Variants in KY observed in about 807,000 individuals in gnomAD.
The protein encoded by KY is kyphoscoliosis peptidase.
A neutral mutation model predicts 76.1 loss-of-function variants in KY; 43 were observed. That is an observed-to-expected ratio of 0.57 (90% CI 0.44 to 0.73). The LOEUF is 0.73. Among genes scored for constraint, KY ranks in the 30% least tolerant of loss-of-function variants. KY has a pLI of 0.00. For synonymous variants in KY, 277 were observed against 326.2 expected, an observed-to-expected ratio of 0.85 and a Z score of 1.63; for missense variants, 722 against 828.9, an observed-to-expected ratio of 0.87 and a Z score of 1.58.
At position 134,600,752 on chromosome 3, in the gene KY, T is replaced by G. The variant is rs943162890; in HGVS notation, c.*2827A>C. On this transcript the variant is annotated 3_prime_UTR_variant, in exon 11 of 11. Coordinates refer to ENST00000423778, the MANE Select transcript of KY (RefSeq NM_178554.6). ...CATCCAGTCCTATGTCAAGTGCTTC[T>G]GTTTCAAGAAGTTATTTCCAGGCAA... 7.2e-5 allele frequency: 11 copies of G among 152,288 alleles called. No individual in the cohort carries two copies. Among genetic ancestry groups the G allele is most frequent in the South Asian group, 2.1e-4 (1 of 4,838 alleles). 9.4% of individuals were successfully genotyped at this position (152,288 alleles called of 1,614,324 possible). A position where few individuals can be genotyped will look rare whatever the true frequency, so the allele number is the denominator to read the frequency against.
At chr3:134,607,708 C>G (rs769624265) in intron 10 of KY, 9 of 985,808 alleles carry the variant, frequency 9.1e-6, no homozygotes, top group Non-Finnish European at 1.1e-5. Flanking sequence ...TCAGAGTGTG[C>G]AAACATACTC....
At chr3:134,609,296 T>A (rs774300043) in intron 9 of KY, among the ~76,000 whole-genome samples, 2 of 152,190 alleles carry the variant, frequency 1.3e-5, no homozygotes, top group Non-Finnish European at 2.9e-5. Context: ...ACTGGAGTGC[T>A]GCCTCTCTGG....
intron 3 of KY, among the ~76,000 whole-genome samples, chr3:134,632,069 C>CA (rs1964309842): frequency 6.6e-6 from 1 of 152,020 alleles, no homozygotes; most frequent in Non-Finnish European, 1.5e-5. Flanking sequence ...GAAGACATAA[C>CA]AACCTTCAAT....
chr3:134,612,448 G>T (rs1467150461), intron 8 of KY, among the ~76,000 whole-genome samples: 1 of 152,142 alleles, frequency 6.6e-6, no homozygotes, highest in Non-Finnish European at 1.5e-5. Context: ...AAGGTGGTGG[G>T]GAGTGCTGAG....
intron 6 of KY, among the ~76,000 whole-genome samples, chr3:134,622,685 T>C (rs1396032855): frequency 6.6e-6 from 1 of 152,202 alleles, no homozygotes; most frequent in Non-Finnish European, 1.5e-5. Context: ...AAATTTTATG[T>C]TATTTTATGA....
intron 10 of KY, chr3:134,607,281 G>C: frequency 1.0e-6 from 1 of 985,532 alleles, no homozygotes; most frequent in Non-Finnish European, 1.2e-6. Flanking sequence ...GAGTTTGCAA[G>C]AGCTCAGCAA....
intron 7 of KY, among the ~76,000 whole-genome samples, chr3:134,619,558 C>T (rs1217351871): frequency 2.0e-5 from 3 of 152,206 alleles, no homozygotes; most frequent in African/African-American, 7.2e-5. Context: ...CTCTGCTAAT[C>T]CCCACCACAC....
chr3:134,629,423 T>C, intron 4 of KY, 198 bp downstream of exon 4: 1 of 558,620 alleles, frequency 1.8e-6, no homozygotes, highest in Non-Finnish European at 3.2e-6. Context: ...GTTCCAGAGA[T>C]GCAAAATCAG....
intron 10 of KY, 59 bp from the exon 11 acceptor site, chr3:134,604,533 A>G: frequency 7.0e-7 from 1 of 1,424,682 alleles, no homozygotes; most frequent in Non-Finnish European, 9.6e-7. Context: ...ATGTGCTGGT[A>G]AATGTTTAAC....
intron 10 of KY, among the ~76,000 whole-genome samples, chr3:134,606,694 G>A (rs4074521): frequency 0.35 from 53,562 of 152,062 alleles, 9,842 homozygotes; most frequent in African/African-American, 0.42. Flanking sequence ...GTGCCTGGTT[G>A]TGGTGCCTCA....
rs1390609308 is a variant in KY, at chr3:134,604,442, A to G, written c.1123T>C (p.Cys375Arg). The change falls in exon 11 of 11, where the codon TGC becomes CGC. Residue 375 changes from cysteine to arginine, a missense_variant. This residue lies in a region of KY where 552 missense variants were observed against 680.9 expected (regional missense o/e 0.81). Transcript: ENST00000423778. The stretch of plus-strand genomic sequence containing the variant: ...ATGAACATGAACAGCGTCGGGGCGC[A>G]GCTCTCAATGGTGACCGTGGCCTTC... The part of the protein sequence containing the change: ...NGKATVTIES[C>R]APTLFMFMLN... 11 of 1,612,642 alleles carry G rather than the reference A, an allele frequency of 6.8e-6. No homozygotes were observed. Among genetic ancestry groups the G allele is most frequent in the Non-Finnish European group, 8.5e-6 (10 of 1,179,280 alleles).
intron 5 of KY, among the ~76,000 whole-genome samples, chr3:134,627,281 C>T (rs990659075): frequency 2.6e-5 from 4 of 152,082 alleles, no homozygotes; most frequent in African/African-American, 4.8e-5. Context: ...AGCTGCACCC[C>T]GCCTTAGATG....
intron 10 of KY, among the ~76,000 whole-genome samples, chr3:134,606,585 T>G (rs952307343): frequency 6.6e-6 from 1 of 152,182 alleles, no homozygotes; most frequent in African/African-American, 2.4e-5. Flanking sequence ...ACTGCTGTAA[T>G]TCATCATGTG....
intron 3 of KY, among the ~76,000 whole-genome samples, chr3:134,642,846 G>C (rs1009134756): frequency 2.4e-4 from 37 of 152,148 alleles, no homozygotes; most frequent in African/African-American, 8.7e-4. Flanking sequence ...ACTCTTGCTG[G>C]CCATGTGATC....
chr3:134,604,756 A>T (rs1408107779), intron 10 of KY, among the ~76,000 whole-genome samples: 4 of 152,154 alleles, frequency 2.6e-5, no homozygotes, highest in African/African-American at 9.7e-5. Context: ...AGAAAAATTT[A>T]TCCCAAGCTG....
chr3:134,650,447 TG>T lies in KY; in HGVS notation c.136+377del, dbSNP rs1003466047. Among the ~76,000 whole-genome samples, 4 of 152,148 alleles carry T rather than the reference TG, an allele frequency of 2.6e-5. No homozygotes were observed. In the East Asian group the frequency reaches 7.8e-4, roughly 30 times the overall value. On this transcript the variant is annotated intron_variant, in intron 1 of 10. Coordinates refer to ENST00000423778, the MANE Select transcript of KY (RefSeq NM_178554.6). ...GTCCCCTGTGCCCTGCAGTGTGCTG[TG>T]GGGGGGAGCAGGCCTCTGCTACCCA...
chr3:134,606,665 C>T (rs62269593), intron 10 of KY, among the ~76,000 whole-genome samples: 3,330 of 152,294 alleles, frequency 0.022, 60 homozygotes, highest in South Asian at 0.049. Context: ...TAGCCTGTTT[C>T]ATTTCCTGCC....
At chr3:134,621,671 A>G (rs1331012220) in intron 6 of KY, among the ~76,000 whole-genome samples, 4 of 152,236 alleles carry the variant, frequency 2.6e-5, no homozygotes, top group Non-Finnish European at 5.9e-5. Context: ...GAATTCTTAG[A>G]TATGGCACCA....
intron 3 of KY, among the ~76,000 whole-genome samples, chr3:134,634,647 G>A (rs1452432408): frequency 6.6e-6 from 1 of 152,152 alleles, no homozygotes; most frequent in African/African-American, 2.4e-5. Context: ...TATGCAACTG[G>A]CCCTTGAACA....
Sources: allele counts gnomAD v4.1 joint callset (sites outside exome capture counted in the v4.1 genomes callset), GRCh38; gene constraint gnomAD v4.1.1; regional missense constraint gnomAD v4.1.1; transcripts MANE v1.5; gene names NCBI Gene and HGNC (gene_info 2026-07-23, HGNC 2026-07-21).